KRAS: variants seen among roughly 807,000 people sequenced by gnomAD.
The protein encoded by KRAS is KRas proto-oncogene, GTPase, also known as GTPase KRas.
KRAS carries 1 observed loss-of-function variant against 21.0 expected under a neutral mutation model. The observed-to-expected ratio is 0.05, with a 90% CI of 0.02 to 0.23. The LOEUF is 0.23. Among genes scored for constraint, KRAS ranks in the 10% least tolerant of loss-of-function variants. KRAS has a pLI of 1.00. For synonymous variants in KRAS, 67 were observed against 72.5 expected, an observed-to-expected ratio of 0.92 and a Z score of 0.39; for missense variants, 107 against 221.8, an observed-to-expected ratio of 0.48 and a Z score of 3.29.
At chr12:25,215,533 C>G (rs755877953) in intron 4 of KRAS, 1 of 1,611,896 alleles carries the variant, frequency 6.2e-7, no homozygotes, top group East Asian at 2.2e-5. Context: ...ATCTCTCTCA[C>G]CAATGTATAA....
chr12:25,216,673 C>T (rs1396838390), intron 4 of KRAS, among the ~76,000 whole-genome samples: 3 of 152,124 alleles, frequency 2.0e-5, no homozygotes, highest in Non-Finnish European at 2.9e-5. Context: ...GTTTTTCTTG[C>T]TTAAACATAA....
intron 2 of KRAS, among the ~76,000 whole-genome samples, chr12:25,239,211 T>C (rs987417675): frequency 2.0e-5 from 3 of 152,222 alleles, no homozygotes; most frequent in African/African-American, 7.2e-5. Flanking sequence ...GTACCCCCCA[T>C]CCCTTTTTTT....
rs577279618 is a variant in KRAS at position 25,228,817 on chromosome 12, T to C, written c.112-1405A>G. On this transcript the variant is annotated intron_variant, in intron 2 of 4. Coordinates refer to ENST00000311936, the MANE Select transcript of KRAS (RefSeq NM_004985.5). ...GGCTCACACTTGCAATCCCAACACT[T>C]TGGGAGGCCGAGGTGGGCGGATCAT... 3.7e-4 allele frequency among the ~76,000 whole-genome samples: 57 copies of C among 152,204 alleles called. No homozygotes were observed. In the South Asian group the frequency reaches 3.9e-3, roughly 11 times the overall value.
rs1951175739 is a variant in KRAS, at chr12:25,209,078, C to T, written c.*717G>A. On this transcript the variant is annotated 3_prime_UTR_variant, in exon 5 of 5. Coordinates refer to ENST00000311936, the MANE Select transcript of KRAS (RefSeq NM_004985.5). ...TAATCCCCATTTCATACTGGGTCTG[C>T]CTTAACAGGAAAAGCTATTAGGAGT... is the stretch of plus-strand genomic sequence containing the variant. 6.9e-6 allele frequency: 3 copies of T among 435,484 alleles called. No homozygotes were observed. The highest frequency in any genetic ancestry group is 2.0e-5 in the African/African-American group (1 of 49,662). The allele number at this position is 435,484 out of a possible 1,614,324, so 27.0% of individuals were successfully genotyped here. A position where few individuals can be genotyped will look rare whatever the true frequency, so the allele number is the denominator to read the frequency against.
At chr12:25,241,221 G>A (rs1411743716) in intron 2 of KRAS, among the ~76,000 whole-genome samples, 4 of 152,232 alleles carry the variant, frequency 2.6e-5, no homozygotes, top group East Asian at 3.9e-4. Flanking sequence ...AATATTAGCA[G>A]AGAGCAAAAA....
In KRAS at chr12:25,208,780, G is replaced by C. The variant is rs1364849591; in HGVS notation, c.*1015C>G. On this transcript the variant is annotated 3_prime_UTR_variant, in exon 5 of 5. Transcript: ENST00000311936. The stretch of plus-strand genomic sequence containing the variant: ...TGAAACTCTCTATGAAAGCTCAAAG[G>C]TTCACACAGGGCCTGGCCTTGCAAC... 2.6e-5 allele frequency: 6 copies of C among 233,222 alleles called. No homozygotes were observed. In the East Asian group the frequency reaches 3.6e-4, roughly 14 times the overall value. 14.4% of individuals were successfully genotyped at this position (233,222 alleles called of 1,614,324 possible).
In KRAS at chr12:25,212,102, A is replaced by T. The variant is rs61762447; in HGVS notation, c.451-2191T>A. Among the ~76,000 whole-genome samples the T allele has an allele frequency of 9.4e-3, 1,428 of 152,344 alleles. 18 individuals are homozygous for T. Among genetic ancestry groups the T allele is most frequent in the African/African-American group, 0.033 (1,357 of 41,574 alleles). ...TTATTCTGTAGCTTGCCAGCACTTG[A>T]CAATTTACTTGACAGTTTAGAATCA... On this transcript the variant is annotated intron_variant, in intron 4 of 4. Transcript: ENST00000311936.
intron 4 of KRAS, chr12:25,225,286 TTATATATATATATA>T (rs68164603): frequency 9.4e-5 from 1 of 10,624 alleles, no homozygotes; most frequent in Non-Finnish European, 1.7e-4. Context: ...GCCCTGTTCT[TTATATATATATATA>T]TATATATATA....
At chr12:25,227,115 C>A in intron 3 of KRAS, 119 bp downstream of exon 3, 1 of 654,982 alleles carries the variant, frequency 1.5e-6, no homozygotes, top group South Asian at 2.3e-5. Flanking sequence ...TTACCTACCT[C>A]ATAAACATTA....
chr12:25,221,849 T>C (rs1951329627), intron 4 of KRAS, among the ~76,000 whole-genome samples: 1 of 152,142 alleles, frequency 6.6e-6, no homozygotes, highest in Admixed American at 6.6e-5. Context: ...CACACTAATT[T>C]TGTTTAAAAA....
chr12:25,218,523 C>T (rs1951280280), intron 4 of KRAS, among the ~76,000 whole-genome samples: 1 of 151,934 alleles, frequency 6.6e-6, no homozygotes, highest in African/African-American at 2.4e-5. Flanking sequence ...ATATAATTAA[C>T]AGCACAGGGT....
chr12:25,215,381 T>C, intron 4 of KRAS: 12 of 1,609,016 alleles, frequency 7.5e-6, no homozygotes, highest in Non-Finnish European at 1.0e-5. Flanking sequence ...GCCACCTTGT[T>C]ACCTTTAAAA....
Position 25,206,771 on chromosome 12 carries a change from CCTGTTTATTTGTA to C in KRAS, c.*3011_*3023del, listed in dbSNP as rs1316353311. On this transcript the variant is annotated 3_prime_UTR_variant, in exon 5 of 5. Transcript: ENST00000311936. ...CCTTGTCTGTGAACTAGTTCAGGCA[CCTGTTTATTTGTA>C]CCCAGATAAAACTATTAATTTTTAA... is the stretch of plus-strand genomic sequence containing the variant. The C allele has an allele frequency of 5.1e-6, 1 of 196,290 alleles. No homozygotes were observed. The highest frequency in any genetic ancestry group is 1.1e-5 in the Non-Finnish European group (1 of 94,792). The allele number at this position is 196,290 out of a possible 1,614,324, so 12.2% of individuals were successfully genotyped here.
chr12:25,219,174 G>A (rs1951290158), intron 4 of KRAS, among the ~76,000 whole-genome samples: 2 of 152,068 alleles, frequency 1.3e-5, no homozygotes, highest in Admixed American at 6.6e-5. Context: ...CTGACCTTGT[G>A]ATCCGCCTGC....
At chr12:25,239,449 C>T (rs555294671) in intron 2 of KRAS, among the ~76,000 whole-genome samples, 5 of 152,092 alleles carry the variant, frequency 3.3e-5, no homozygotes, top group Non-Finnish European at 7.4e-5. Flanking sequence ...AAATATTTAT[C>T]CAAATTCCAC....
chr12:25,213,066 CAAAT>C (rs951662148), intron 4 of KRAS, among the ~76,000 whole-genome samples: 1 of 152,090 alleles, frequency 6.6e-6, no homozygotes. Flanking sequence ...GCCAGCTTGT[CAAAT>C]AAATTTTTTT....
intron 2 of KRAS, among the ~76,000 whole-genome samples, chr12:25,232,981 A>G (rs1781155921): frequency 6.6e-6 from 1 of 152,172 alleles, no homozygotes; most frequent in African/African-American, 2.4e-5. Flanking sequence ...TTTTTTTTAA[A>G]TGACAGTTAT....
In KRAS at chr12:25,225,610, T is replaced by G. The variant is rs751743843; in HGVS notation, c.450+4A>C. The G allele has an allele frequency of 6.2e-7, 1 of 1,612,546 alleles. No homozygotes were observed. Among genetic ancestry groups the G allele is most frequent in the Admixed American group, 1.7e-5 (1 of 60,004 alleles). On this transcript the variant is annotated splice_donor_region_variant and intron_variant, in intron 4 of 4. Coordinates refer to ENST00000311936, the MANE Select transcript of KRAS (RefSeq NM_004985.5). Reference sequence around the variant, plus strand: ...AGATCTGTATTTATTTCAGTGTTACTTACCTGTCTTGTCTTTGCTGATGTT... The same window carrying G: ...AGATCTGTATTTATTTCAGTGTTACGTACCTGTCTTGTCTTTGCTGATGTT...
At chr12:25,249,587 GTC>G (rs1951737056) in intron 1 of KRAS, among the ~76,000 whole-genome samples, 2 of 2,020 alleles carry the variant, frequency 9.9e-4, no homozygotes, top group South Asian at 0.017. Context: ...GCGAGACTGT[GTC>G]TCAAAAAAAA....
Sources: gnomAD v4.1 joint callset for allele counts (sites outside exome capture counted in the v4.1 genomes callset) on GRCh38, gnomAD v4.1.1 for gene constraint, MANE v1.5 for transcripts, NCBI Gene and HGNC (gene_info 2026-07-23, HGNC 2026-07-21) for gene names.